Variants in COL21A1 observed in about 807,000 individuals in gnomAD.
The protein encoded by COL21A1 is collagen alpha-1(XXI) chain.
Under a neutral mutation model 137.9 loss-of-function variants are expected in COL21A1, and 149 were observed. The observed-to-expected ratio is 1.08, with a 90% CI of 0.95 to 1.24. The LOEUF (loss-of-function observed/expected upper bound fraction) is 1.24, where lower values mean the gene tolerates loss of function less well. Among genes scored for constraint, COL21A1 ranks in the 50% most tolerant of loss-of-function variants. COL21A1 has a pLI of 0.00. For synonymous variants in COL21A1, 456 were observed against 391.5 expected (o/e 1.16, Z -1.95); for missense variants, 1,167 against 1,158.4 (o/e 1.01, Z -0.11).
intron 1 of COL21A1, among the ~76,000 whole-genome samples, chr6:56,269,900 C>A (rs191966452): frequency 1.3e-5 from 2 of 152,212 alleles, no homozygotes; most frequent in East Asian, 1.9e-4. Flanking sequence ...TCATCACAAC[C>A]AAATCAGACT....
rs548559421 is a variant in COL21A1, at chr6:56,383,511, TCTC to T, written c.-39+10457_-39+10459del. On this transcript the variant is annotated intron_variant, in intron 1 of 28. Coordinates refer to the COL21A1 transcript ENST00000370819. Reference sequence around the variant, plus strand: ...GATTTTATGTGTCACATTCATTTCTTCTCCTTCTCCTAACCCAGGTAGGTACCT... The same window carrying T: ...GATTTTATGTGTCACATTCATTTCTTCTTCTCCTAACCCAGGTAGGTACCT... Among the ~76,000 whole-genome samples the T allele has an allele frequency of 6.7e-3, 1,022 of 152,354 alleles. 41 individuals carry two copies. The highest frequency in any genetic ancestry group is 0.062 in the Admixed American group (949 of 15,294).
chr6:56,351,844 C>G (rs1765717571), intron 1 of COL21A1, among the ~76,000 whole-genome samples: 1 of 152,220 alleles, frequency 6.6e-6, no homozygotes, highest in South Asian at 2.1e-4. Context: ...ATGATTTTAA[C>G]AAGACATAGA....
intron 29 of COL21A1, 84 bp from the exon 30 acceptor site, chr6:56,057,928 G>GAA: frequency 2.6e-5 from 21 of 811,662 alleles, no homozygotes; most frequent in South Asian, 8.8e-5. Flanking sequence ...AACTTAAACT[G>GAA]AAAAAAAAAA....
intron 10 of COL21A1, 59 bp downstream of exon 10, chr6:56,156,827 CT>C (rs1475758928): frequency 2.2e-6 from 3 of 1,392,250 alleles, no homozygotes; most frequent in Admixed American, 3.8e-5. Context: ...CTCAGCAAAA[CT>C]TTTACTTTGA....
intron 1 of COL21A1, among the ~76,000 whole-genome samples, chr6:56,330,123 A>G (rs1405240707): frequency 6.6e-6 from 1 of 152,132 alleles, no homozygotes; most frequent in Non-Finnish European, 1.5e-5. Flanking sequence ...TTCTTTGAAT[A>G]TAAATGTACA....
At chr6:56,239,203 T>C (rs1249028531) in intron 1 of COL21A1, among the ~76,000 whole-genome samples, 2 of 152,218 alleles carry the variant, frequency 1.3e-5, no homozygotes, top group Non-Finnish European at 2.9e-5. Context: ...CACCAGATAT[T>C]ACCATCTCTA....
intron 17 of COL21A1, among the ~76,000 whole-genome samples, chr6:56,097,850 T>TATAAAA (rs1769546933): frequency 1.0e-5 from 1 of 98,422 alleles, no homozygotes; most frequent in Non-Finnish European, 1.9e-5. Context: ...TATATAAATA[T>TATAAAA]ATATAAATAT....
chr6:56,097,783 A>G lies in COL21A1; in HGVS notation c.1812+3689T>C, dbSNP rs1189821282. Among the ~76,000 whole-genome samples the G allele has an allele frequency of 5.7e-5, 7 of 121,880 alleles. 1 individual carries two copies. The South Asian group carries it at 1.2e-3, about 21-fold the overall frequency. The allele number at this position is 121,880 out of a possible 152,430, so 80.0% of individuals were successfully genotyped here. A position where few individuals can be genotyped will look rare whatever the true frequency, so the allele number is the denominator to read the frequency against. On this transcript the variant is annotated intron_variant, in intron 17 of 29. Transcript: ENST00000244728. Reference sequence around the variant, plus strand: ...TATATATAAATATATATAAATATATAAAAATATATATATAAATCTATATAA... The same window carrying G: ...TATATATAAATATATATAAATATATGAAAATATATATATAAATCTATATAA...
intron 1 of COL21A1, among the ~76,000 whole-genome samples, chr6:56,273,421 G>T (rs578022047): frequency 6.6e-6 from 1 of 152,194 alleles, no homozygotes; most frequent in East Asian, 1.9e-4. Context: ...TCATATAAAA[G>T]ATCAATGAAA....
At chr6:56,079,284 T>C (rs1767527094) in intron 17 of COL21A1, among the ~76,000 whole-genome samples, 1 of 151,694 alleles carries the variant, frequency 6.6e-6, no homozygotes, top group Non-Finnish European at 1.5e-5. Flanking sequence ...TAACCTTGGC[T>C]CCCAGAGTCC....
intron 1 of COL21A1, among the ~76,000 whole-genome samples, chr6:56,389,808 C>T (rs1030711351): frequency 1.3e-5 from 2 of 152,118 alleles, no homozygotes; most frequent in Non-Finnish European, 2.9e-5. Context: ...AAAAATCTTC[C>T]AACCTATAAT....
intron 1 of COL21A1, among the ~76,000 whole-genome samples, chr6:56,263,825 A>G (rs1487962234): frequency 6.6e-6 from 1 of 152,212 alleles, no homozygotes; most frequent in African/African-American, 2.4e-5. Context: ...AATAAGCTTC[A>G]TACAATTCAT....
At chr6:56,192,926 T>C (rs181817849) in intron 1 of COL21A1, among the ~76,000 whole-genome samples, 5 of 152,126 alleles carry the variant, frequency 3.3e-5, no homozygotes, top group East Asian at 1.9e-4. Flanking sequence ...CAAATGTCCA[T>C]CAATGATAGA....
intron 1 of COL21A1, among the ~76,000 whole-genome samples, chr6:56,325,784 A>AAT (rs1554183124): frequency 0.33 from 306 of 914 alleles, 147 homozygotes; most frequent in African/African-American, 0.66. Flanking sequence ...ATATTTATAT[A>AAT]ATATATAATA....
At chr6:56,366,110 A>G (rs545310995) in intron 1 of COL21A1, among the ~76,000 whole-genome samples, 1 of 152,300 alleles carries the variant, frequency 6.6e-6, no homozygotes, top group East Asian at 1.9e-4. Context: ...TATGGAGTTT[A>G]CTGGATTCCT....
At chr6:56,280,179 C>T (rs961679101) in intron 1 of COL21A1, among the ~76,000 whole-genome samples, 1 of 152,316 alleles carries the variant, frequency 6.6e-6, no homozygotes, top group African/African-American at 2.4e-5. Context: ...AAGGACTCAT[C>T]TAGGACACCT....
rs749308111 is a variant in COL21A1 at position 56,168,280 on chromosome 6, G to C, written c.1044C>G (p.Gly348=). The C allele has an allele frequency of 6.5e-7, 1 of 1,540,470 alleles. No individual in the cohort carries two copies. Among genetic ancestry groups the C allele is most frequent in the African/African-American group, 1.4e-5 (1 of 73,492 alleles). ...NPQVKTLFDE[G]WHQIRLLVTE... Reference sequence around the variant, plus strand: ...TTACTAAGAGACGAATTTGGTGCCAGCCTTCATCAAACAACGTCTACAAAA... The same window carrying C: ...TTACTAAGAGACGAATTTGGTGCCACCCTTCATCAAACAACGTCTACAAAA... Residue 348 remains glycine (G), a synonymous_variant, in exon 6 of 30, where the codon GGC becomes GGG. Coordinates refer to ENST00000244728, the MANE Select transcript of COL21A1 (RefSeq NM_030820.4).
chr6:56,232,953 C>T (rs1460415558), intron 1 of COL21A1, among the ~76,000 whole-genome samples: 1 of 151,824 alleles, frequency 6.6e-6, no homozygotes, highest in Non-Finnish European at 1.5e-5. Flanking sequence ...CAATAATACT[C>T]AGAGCTGGAA....
intron 1 of COL21A1, among the ~76,000 whole-genome samples, chr6:56,266,303 T>A (rs1315494741): frequency 6.6e-6 from 1 of 152,218 alleles, no homozygotes; most frequent in Non-Finnish European, 1.5e-5. Context: ...GACAAGGAGC[T>A]GGCAAACTAC....
Sources: gnomAD v4.1 joint callset for allele counts (sites outside exome capture counted in the v4.1 genomes callset) on GRCh38, gnomAD v4.1.1 for gene constraint, MANE v1.5 for transcripts, NCBI Gene and HGNC (gene_info 2026-07-23, HGNC 2026-07-21) for gene names.